Variants in GRIA2 observed in about 807,000 individuals in gnomAD.
The protein encoded by GRIA2 is glutamate receptor 2.
In GRIA2, 14 loss-of-function variants were observed where a neutral mutation model predicts 97.3. The ratio of observed to expected loss-of-function variants is 0.14; its 90% CI spans 0.10 to 0.23. GRIA2 has a LOEUF of 0.23. GRIA2 is among the 10% of genes least tolerant of loss of function. The pLI, the probability that GRIA2 is intolerant of heterozygous loss-of-function variation, is 1.00. For synonymous variants in GRIA2, 412 were observed against 387.8 expected, an observed-to-expected ratio of 1.06 and a Z score of -0.73; for missense variants, 558 against 1,069.8, an observed-to-expected ratio of 0.52 and a Z score of 6.67.
Position 157,309,593 on chromosome 4 carries a change from C to G in GRIA2, c.470-3086C>G, listed in dbSNP as rs545454558. Among the ~76,000 whole-genome samples the G allele has an allele frequency of 2.0e-5, 3 of 152,180 alleles. No individual in the cohort carries two copies. In the East Asian group the frequency reaches 5.8e-4, roughly 30 times the overall value. ...TCTTGAGCTCCTGATCTCAAGTGAT[C>G]TGCCCACCGCACCTGGCGCAAGTTA... On this transcript the variant is annotated intron_variant, in intron 3 of 15. Coordinates refer to ENST00000264426, the MANE Select transcript of GRIA2 (RefSeq NM_001083619.3).
chr4:157,254,955 G>A (rs1238747635), intron 2 of GRIA2, among the ~76,000 whole-genome samples: 2 of 151,858 alleles, frequency 1.3e-5, no homozygotes, highest in Non-Finnish European at 2.9e-5. Flanking sequence ...AAATTTAAGG[G>A]GCACAAGTGC....
chr4:157,233,443 G>A (rs1730111519), intron 2 of GRIA2, among the ~76,000 whole-genome samples: 1 of 152,044 alleles, frequency 6.6e-6, no homozygotes, highest in South Asian at 2.1e-4. Flanking sequence ...TTTATTTTAT[G>A]TAATTAATTA....
chr4:157,360,634 A>T (rs1553959021), intron 13 of GRIA2: 5 of 450,260 alleles, frequency 1.1e-5, no homozygotes, highest in South Asian at 8.3e-5. Context: ...ATGCACTTTG[A>T]ATTTCTTTGC....
At chr4:157,338,610 G>T (rs746192380) in intron 11 of GRIA2, among the ~76,000 whole-genome samples, 8 of 152,034 alleles carry the variant, frequency 5.3e-5, no homozygotes, top group Non-Finnish European at 1.0e-4. Flanking sequence ...TCATTCATGA[G>T]TCATGACACT....
intron 11 of GRIA2, among the ~76,000 whole-genome samples, chr4:157,340,408 T>C (rs1735495637): frequency 6.6e-6 from 1 of 151,944 alleles, no homozygotes; most frequent in Non-Finnish European, 1.5e-5. Context: ...ATACCTGTAT[T>C]CCTCTACTTC....
Position 157,337,861 on chromosome 4 carries a change from T to TA in GRIA2, c.1844+1123dup, listed in dbSNP as rs568290808. ...TAGTAGGTAATTATAGTGGGAATGATAAAAAAAAATTACATTTTTATGAAT... is the reference window on the plus strand; with the variant it reads ...TAGTAGGTAATTATAGTGGGAATGATAAAAAAAAAATTACATTTTTATGAAT... On this transcript the variant is annotated intron_variant, in intron 11 of 15. Coordinates refer to ENST00000264426, the MANE Select transcript of GRIA2 (RefSeq NM_001083619.3). Among the ~76,000 whole-genome samples, 207 of 149,920 alleles carry TA rather than the reference T, an allele frequency of 1.4e-3. 1 individual carries two copies. Among genetic ancestry groups the TA allele is most frequent in the African/African-American group, 3.5e-3 (143 of 41,024 alleles).
chr4:157,279,945 T>C (rs1732519702), intron 2 of GRIA2, among the ~76,000 whole-genome samples: 1 of 152,076 alleles, frequency 6.6e-6, no homozygotes, highest in Admixed American at 6.6e-5. Context: ...ACCAATATGG[T>C]AAAACCCCGT....
At chr4:157,279,099 TC>T (rs386681111) in intron 2 of GRIA2, among the ~76,000 whole-genome samples, 46 of 152,278 alleles carry the variant, frequency 3.0e-4, no homozygotes, top group African/African-American at 9.6e-4. Context: ...GCAATCATGC[TC>T]CTTGGTATTT....
intron 2 of GRIA2, 71 bp from the exon 3 acceptor site, chr4:157,303,481 T>G: frequency 7.5e-7 from 1 of 1,341,502 alleles, no homozygotes; most frequent in Non-Finnish European, 1.1e-6. Context: ...GGACATTACG[T>G]TTTAAGCAAA....
intron 2 of GRIA2, among the ~76,000 whole-genome samples, chr4:157,300,813 T>G (rs1560754708): frequency 6.6e-6 from 1 of 152,140 alleles, no homozygotes; most frequent in Non-Finnish European, 1.5e-5. Context: ...AGCTTGTGCC[T>G]GTTGTTGGGT....
At chr4:157,241,298 G>GT (rs1382706488) in intron 2 of GRIA2, among the ~76,000 whole-genome samples, 7 of 152,002 alleles carry the variant, frequency 4.6e-5, no homozygotes, top group Non-Finnish European at 5.9e-5. Context: ...CCTAATTCTT[G>GT]TTTTTTGTGC....
intron 12 of GRIA2, among the ~76,000 whole-genome samples, chr4:157,350,262 C>T (rs1460055866): frequency 1.3e-5 from 2 of 152,070 alleles, no homozygotes; most frequent in African/African-American, 4.8e-5. Context: ...CCTAAAAGTT[C>T]TGAATTCCCT....
intron 11 of GRIA2, among the ~76,000 whole-genome samples, chr4:157,338,575 A>G (rs2126945576): frequency 6.6e-6 from 1 of 152,178 alleles, no homozygotes; most frequent in Admixed American, 6.6e-5. Context: ...ATCTAAATTA[A>G]GATGTTTTTT....
At chr4:157,261,390 A>G (rs1272179623) in intron 2 of GRIA2, among the ~76,000 whole-genome samples, 1 of 152,096 alleles carries the variant, frequency 6.6e-6, no homozygotes, top group African/African-American at 2.4e-5. Context: ...ATTTGTCTAC[A>G]TTGCCTTGTG....
intron 2 of GRIA2, among the ~76,000 whole-genome samples, chr4:157,246,678 T>C (rs1013242269): frequency 6.6e-6 from 1 of 152,170 alleles, no homozygotes; most frequent in African/African-American, 2.4e-5. Context: ...ATGTACTCTG[T>C]AATATCATCT....
intron 2 of GRIA2, among the ~76,000 whole-genome samples, chr4:157,266,025 G>A (rs1000320509): frequency 1.3e-5 from 2 of 152,040 alleles, no homozygotes; most frequent in Admixed American, 6.6e-5. Context: ...GCATGTAGAA[G>A]GTGAGGTAGC....
At chr4:157,307,644 T>G (rs1733900957) in intron 3 of GRIA2, among the ~76,000 whole-genome samples, 1 of 152,252 alleles carries the variant, frequency 6.6e-6, no homozygotes. Flanking sequence ...TTTGGATATA[T>G]ATGTTGTAAG....
At chr4:157,289,479 T>C (rs1732996620) in intron 2 of GRIA2, among the ~76,000 whole-genome samples, 1 of 151,840 alleles carries the variant, frequency 6.6e-6, no homozygotes, top group African/African-American at 2.4e-5. Context: ...CCATTTTATT[T>C]TGTAGAGGTT....
intron 2 of GRIA2, among the ~76,000 whole-genome samples, chr4:157,234,700 T>C (rs1730167823): frequency 6.6e-6 from 1 of 152,180 alleles, no homozygotes; most frequent in South Asian, 2.1e-4. Context: ...TTATGCATCT[T>C]GCTGCTGGTT....
Sources: gnomAD v4.1 joint callset for allele counts (sites outside exome capture counted in the v4.1 genomes callset) on GRCh38, gnomAD v4.1.1 for gene constraint, MANE v1.5 for transcripts, NCBI Gene and HGNC (gene_info 2026-07-23, HGNC 2026-07-21) for gene names.